The following SCN7A variants were observed in gnomAD, a reference collection of about 807,000 sequenced individuals.
The protein encoded by SCN7A is sodium voltage-gated channel alpha subunit 7, also known as sodium channel protein type 7 subunit alpha.
In SCN7A, 138 loss-of-function variants were observed where a neutral mutation model predicts 155.2. The observed-to-expected ratio is 0.89, with a 90% CI of 0.77 to 1.02. The LOEUF (loss-of-function observed/expected upper bound fraction) is 1.02, where lower values mean the gene tolerates loss of function less well. Among genes scored for constraint, SCN7A ranks in the 50% least tolerant of loss-of-function variants. The probability of loss-of-function intolerance (pLI) is 0.00; values close to 1 mark genes in which losing one functional copy is unlikely to be tolerated. For synonymous variants in SCN7A, 693 were observed against 649.0 expected (o/e 1.07, Z -1.03); for missense variants, 2,058 against 1,986.6 (o/e 1.04, Z -0.68).
chr2:166,430,110 T>G (rs2105408284), intron 16 of SCN7A, among the ~76,000 whole-genome samples: 1 of 152,162 alleles, frequency 6.6e-6, no homozygotes, highest in Middle Eastern at 3.4e-3. Context: ...GCAAGCGCAT[T>G]TTAACATTTG....
chr2:166,425,057 G>A (rs1215082536), intron 18 of SCN7A, among the ~76,000 whole-genome samples: 1 of 152,122 alleles, frequency 6.6e-6, no homozygotes, highest in Non-Finnish European at 1.5e-5. Context: ...CGGCTGAGTG[G>A]AATAGAGATA....
chr2:166,477,359 CCT>C, intron 3 of SCN7A, 102 bp downstream of exon 3: 1 of 772,280 alleles, frequency 1.3e-6, no homozygotes, highest in African/African-American at 1.8e-5. Flanking sequence ...CAGATCTTTC[CCT>C]GTTTTTCATT....
chr2:166,419,002 T>G (rs1297950496), intron 20 of SCN7A, among the ~76,000 whole-genome samples: 1 of 152,142 alleles, frequency 6.6e-6, no homozygotes, highest in African/African-American at 2.4e-5. Context: ...TCCACAGCCA[T>G]TGTTTCATTG....
rs1463591580 is a variant in SCN7A at position 166,456,984 on chromosome 2, T to C, written c.1176A>G (p.Ile392Met). ...SFYMASLFLG[I>M]LAMAYEEEKQ... ...TTTCTTCTTCATAGGCCATGGCAAGTATGCCTAAGAACAAACTTGCCATAT... is the reference window on the plus strand; with the variant it reads ...TTTCTTCTTCATAGGCCATGGCAAGCATGCCTAAGAACAAACTTGCCATAT... Residue 392 changes from isoleucine (I) to methionine (M), a missense_variant, in exon 11 of 26, where the codon ATA becomes ATG. Physicochemically the swap from Ile to Met is conservative, Grantham distance 10. Coordinates refer to ENST00000643258, the MANE Select transcript of SCN7A (RefSeq NM_002976.4). The C allele has an allele frequency of 8.7e-6, 14 of 1,608,480 alleles. No homozygotes were observed. In the Admixed American group the frequency reaches 2.0e-4, roughly 23 times the overall value.
At chr2:166,471,393 C>T (rs1702651154) in intron 6 of SCN7A, among the ~76,000 whole-genome samples, 1 of 151,740 alleles carries the variant, frequency 6.6e-6, no homozygotes, top group South Asian at 2.1e-4. Flanking sequence ...GCACCTGGCA[C>T]ATAGGAAGGG....
At chr2:166,447,097 G>T (rs954816010) in intron 12 of SCN7A, among the ~76,000 whole-genome samples, 2 of 152,274 alleles carry the variant, frequency 1.3e-5, no homozygotes, top group East Asian at 3.9e-4. Context: ...TTCCTCTATT[G>T]TGTTCATGCT....
intron 15 of SCN7A, among the ~76,000 whole-genome samples, chr2:166,439,471 T>C (rs1701910216): frequency 6.6e-6 from 1 of 152,120 alleles, no homozygotes; most frequent in Non-Finnish European, 1.5e-5. Flanking sequence ...AAACAGAAGA[T>C]ACTAGCTAGC....
At chr2:166,462,921 T>C (rs1000776843) in intron 9 of SCN7A, among the ~76,000 whole-genome samples, 5 of 152,204 alleles carry the variant, frequency 3.3e-5, no homozygotes, top group Non-Finnish European at 5.9e-5. Flanking sequence ...TACTTATTTT[T>C]TTGTGGTGAG....
chr2:166,429,371 G>T lies in SCN7A; in HGVS notation c.2593-97C>A, dbSNP rs1298367556. 5 of 736,066 alleles carry T rather than the reference G, an allele frequency of 6.8e-6. No homozygotes were observed. The East Asian group carries it at 1.1e-4, about 17-fold the overall frequency. The allele number at this position is 736,066 out of a possible 1,614,324, so 45.6% of individuals were successfully genotyped here. ...CATTTTCAGAAGTAAGAAAAATTTTGTACAGAAATAATATTATTAGGTTTA... is the reference window on the plus strand; with the variant it reads ...CATTTTCAGAAGTAAGAAAAATTTTTTACAGAAATAATATTATTAGGTTTA... On this transcript the variant is annotated intron_variant, in intron 16 of 25. Transcript: ENST00000643258.
chr2:166,479,992 T>C (rs534583273), intron 2 of SCN7A, among the ~76,000 whole-genome samples: 2 of 152,304 alleles, frequency 1.3e-5, no homozygotes, highest in Non-Finnish European at 2.9e-5. Flanking sequence ...ATTACAAATT[T>C]GCTAAGATTA....
chr2:166,463,279 A>G (rs1195082921), intron 9 of SCN7A, among the ~76,000 whole-genome samples: 6 of 152,140 alleles, frequency 3.9e-5, no homozygotes, highest in Non-Finnish European at 8.8e-5. Flanking sequence ...CTTGTGTTCC[A>G]TTATTACAGT....
chr2:166,439,916 C>G (rs140105144), intron 15 of SCN7A, among the ~76,000 whole-genome samples: 1 of 152,132 alleles, frequency 6.6e-6, no homozygotes, highest in African/African-American at 2.4e-5. Context: ...AAAATTGAGT[C>G]TAACCTGCGA....
In SCN7A at chr2:166,409,593, T is replaced by C. The variant is rs1398875992; in HGVS notation, c.3982+72A>G. Reference sequence around the variant, plus strand: ...GATTTTGAAATGTAGGAGACTATATTTCATATTTACTGTAAGAGCTTACTT... The same window carrying C: ...GATTTTGAAATGTAGGAGACTATATCTCATATTTACTGTAAGAGCTTACTT... On this transcript the variant is annotated intron_variant, in intron 25 of 25. Coordinates refer to ENST00000643258, the MANE Select transcript of SCN7A (RefSeq NM_002976.4). 4 of 1,165,214 alleles carry C rather than the reference T, an allele frequency of 3.4e-6. No individual in the cohort carries two copies. The East Asian group carries it at 7.9e-5, about 23-fold the overall frequency. The allele number at this position is 1,165,214 out of a possible 1,614,324, so 72.2% of individuals were successfully genotyped here.
At chr2:166,475,359 T>C in intron 3 of SCN7A, among the ~76,000 whole-genome samples, 1 of 150,286 alleles carries the variant, frequency 6.7e-6, no homozygotes, top group South Asian at 2.1e-4. Context: ...CGGTATTATA[T>C]GTTATACAGA....
At chr2:166,473,910 A>C (rs763060546) in intron 4 of SCN7A, 22 bp from the exon 5 acceptor site, 1 of 1,223,000 alleles carries the variant, frequency 8.2e-7, no homozygotes, top group Non-Finnish European at 1.2e-6. Flanking sequence ...TCAAGGAATA[A>C]TAGTTAATAA....
intron 18 of SCN7A, among the ~76,000 whole-genome samples, chr2:166,424,683 T>C (rs1212703221): frequency 6.6e-6 from 1 of 151,676 alleles, no homozygotes; most frequent in Non-Finnish European, 1.5e-5. Flanking sequence ...AAAGAAGATT[T>C]AGAAAAAAAA....
At chr2:166,408,604 T>C (rs1391959707) in intron 25 of SCN7A, among the ~76,000 whole-genome samples, 1 of 151,974 alleles carries the variant, frequency 6.6e-6, no homozygotes, top group Non-Finnish European at 1.5e-5. Context: ...TGTCTTCATG[T>C]ACTTTTCTAT....
intron 23 of SCN7A, 138 bp downstream of exon 23, chr2:166,412,392 G>C: frequency 9.7e-7 from 1 of 1,030,652 alleles, no homozygotes; most frequent in Non-Finnish European, 1.3e-6. Context: ...CATTAATCAT[G>C]ATTTTTTAAG....
rs567481009 is a variant in SCN7A, at chr2:166,441,746, T to A, written c.1807A>T (p.Ile603Phe). 1.3e-6 allele frequency: 2 copies of A among 1,597,892 alleles called. No homozygotes were observed. Among genetic ancestry groups the A allele is most frequent in the African/African-American group, 1.4e-5 (1 of 74,048 alleles). ...GGCCAATACTTTCCCAACTTGAAAATTCTTAACTAATAGAGCAATGTAAAA... is the reference window on the plus strand; with the variant it reads ...GGCCAATACTTTCCCAACTTGAAAAATCTTAACTAATAGAGCAATGTAAAA... ...ALLRLFRMLR[I>F]FKLGKYWPTF... Residue 603 changes from isoleucine to phenylalanine, a missense_variant, in exon 15 of 26, where the codon ATT becomes TTT. By Grantham distance (21) the Ile-to-Phe change is conservative (BLOSUM62 0). Transcript: ENST00000643258.
Sources: gnomAD v4.1 joint callset for allele counts (sites outside exome capture counted in the v4.1 genomes callset) on GRCh38, gnomAD v4.1.1 for gene constraint, MANE v1.5 for transcripts, NCBI Gene and HGNC (gene_info 2026-07-23, HGNC 2026-07-21) for gene names.